CNTN5: variants seen among roughly 807,000 people sequenced by gnomAD.
CNTN5 encodes contactin-5.
CNTN5 carries 77 observed loss-of-function variants against 129.1 expected under a neutral mutation model. The ratio of observed to expected loss-of-function variants is 0.60; its 90% CI spans 0.50 to 0.72. The LOEUF is 0.72. CNTN5 is among the 30% of genes least tolerant of loss of function. The probability of loss-of-function intolerance (pLI) is 0.00; values close to 1 mark genes in which losing one functional copy is unlikely to be tolerated. For missense variants in CNTN5, 1,478 were observed against 1,328.8 expected (o/e 1.11, Z -1.75); for synonymous variants, 509 against 465.6 (o/e 1.09, Z -1.20).
At chr11:99,671,456 C>T (rs1833819831) in intron 3 of CNTN5, among the ~76,000 whole-genome samples, 1 of 152,044 alleles carries the variant, frequency 6.6e-6, no homozygotes, top group Non-Finnish European at 1.5e-5. Flanking sequence ...AATTTGTGTG[C>T]ATGTGTGCGT....
chr11:100,238,505 G>T (rs1158605662), intron 16 of CNTN5, among the ~76,000 whole-genome samples: 1 of 147,020 alleles, frequency 6.8e-6, no homozygotes, highest in Non-Finnish European at 1.5e-5. Flanking sequence ...GCAGGAGGAG[G>T]AGAAGGGGGA....
At chr11:100,017,671 G>C (rs1565791771) in intron 9 of CNTN5, among the ~76,000 whole-genome samples, 1 of 151,982 alleles carries the variant, frequency 6.6e-6, no homozygotes, top group South Asian at 2.1e-4. Context: ...GTACTGGAAA[G>C]ATTTTAGAAT....
chr11:99,250,159 A>T (rs957426080), intron 1 of CNTN5, among the ~76,000 whole-genome samples: 2 of 151,964 alleles, frequency 1.3e-5, no homozygotes, highest in Non-Finnish European at 2.9e-5. Context: ...TTGTCTTGGT[A>T]TAATATAGTA....
At chr11:99,808,663 G>A (rs1290234454) in intron 3 of CNTN5, among the ~76,000 whole-genome samples, 1 of 152,118 alleles carries the variant, frequency 6.6e-6, no homozygotes, top group East Asian at 1.9e-4. Context: ...TTTTTCACGT[G>A]CTGGGTAGCA....
intron 3 of CNTN5, among the ~76,000 whole-genome samples, chr11:99,815,363 C>G (rs1946553622): frequency 6.6e-6 from 1 of 152,048 alleles, no homozygotes. Context: ...AGAACTAAGA[C>G]TGAGGAGTGG....
chr11:99,372,334 CA>C (rs920479458), intron 2 of CNTN5, among the ~76,000 whole-genome samples: 13 of 151,412 alleles, frequency 8.6e-5, no homozygotes, highest in South Asian at 4.2e-4. Flanking sequence ...CGTAAAGAAA[CA>C]AAAAAAAGTG....
chr11:100,245,136 CT>C (rs1399441704), intron 16 of CNTN5, among the ~76,000 whole-genome samples: 14 of 152,164 alleles, frequency 9.2e-5, no homozygotes, highest in African/African-American at 3.1e-4. Flanking sequence ...AGTGGCTCAA[CT>C]TTTTATGCAA....
intron 2 of CNTN5, among the ~76,000 whole-genome samples, chr11:99,457,185 C>G (rs964051437): frequency 3.3e-5 from 5 of 151,790 alleles, no homozygotes; most frequent in African/African-American, 1.2e-4. Context: ...AAAATATTAT[C>G]TGTCTTTAGT....
chr11:99,304,814 C>G (rs796234023), intron 1 of CNTN5, among the ~76,000 whole-genome samples: 32 of 152,290 alleles, frequency 2.1e-4, no homozygotes, highest in African/African-American at 7.2e-4. Context: ...TTGTGAGGTT[C>G]ACAAGGCCTT....
intron 2 of CNTN5, among the ~76,000 whole-genome samples, chr11:99,504,901 C>T (rs910062307): frequency 6.6e-6 from 1 of 152,066 alleles, no homozygotes; most frequent in Non-Finnish European, 1.5e-5. Context: ...TATTGCTCTC[C>T]TAATTCTAAG....
rs559844779 is a variant in CNTN5 at position 99,026,795 on chromosome 11, G to A, written c.-210+5525G>A. On this transcript the variant is annotated intron_variant, in intron 1 of 24. Coordinates refer to ENST00000524871, the MANE Select transcript of CNTN5 (RefSeq NM_014361.4). ...ATTAGAACCCACATCTCTTAAATTT[G>A]AAGATCAGAGCTTTTTATGGCTTAT... Among the ~76,000 whole-genome samples the A allele has an allele frequency of 6.6e-5, 10 of 151,692 alleles. No individual in the cohort carries two copies. The South Asian group carries it at 2.1e-3, about 31-fold the overall frequency.
intron 1 of CNTN5, among the ~76,000 whole-genome samples, chr11:99,266,636 G>A (rs1304857113): frequency 6.6e-6 from 1 of 151,916 alleles, no homozygotes; most frequent in Non-Finnish European, 1.5e-5. Context: ...GCATATGGGA[G>A]GAAGCACATT....
chr11:99,726,842 C>A (rs1369981688), intron 3 of CNTN5, among the ~76,000 whole-genome samples: 1 of 152,050 alleles, frequency 6.6e-6, no homozygotes, highest in Non-Finnish European at 1.5e-5. Flanking sequence ...TAGTGCTTTT[C>A]CACCTCATCA....
intron 7 of CNTN5, among the ~76,000 whole-genome samples, chr11:99,948,089 C>A (rs770469117): frequency 1.3e-4 from 20 of 152,124 alleles, no homozygotes; most frequent in Non-Finnish European, 2.6e-4. Context: ...GGAATACTGT[C>A]CAAGATTAAA....
intron 2 of CNTN5, among the ~76,000 whole-genome samples, chr11:99,499,001 A>G (rs1465587682): frequency 1.3e-5 from 2 of 152,176 alleles, no homozygotes; most frequent in Non-Finnish European, 2.9e-5. Flanking sequence ...GATGTTTGCA[A>G]TCACATGAGC....
intron 9 of CNTN5, among the ~76,000 whole-genome samples, chr11:100,020,015 CT>C (rs942204964): frequency 6.6e-6 from 1 of 151,888 alleles, no homozygotes; most frequent in African/African-American, 2.4e-5. Context: ...TACTAAGTTT[CT>C]TATATGTTTT....
At chr11:99,151,397 T>C (rs1351347967) in intron 1 of CNTN5, among the ~76,000 whole-genome samples, 1 of 152,200 alleles carries the variant, frequency 6.6e-6, no homozygotes, top group Non-Finnish European at 1.5e-5. Flanking sequence ...AGAAATATGA[T>C]ACTTTAATTA....
chr11:99,351,894 C>T (rs1938323322), intron 2 of CNTN5, among the ~76,000 whole-genome samples: 1 of 152,188 alleles, frequency 6.6e-6, no homozygotes, highest in African/African-American at 2.4e-5. Context: ...GTTAAATACC[C>T]ACTGTGGCTG....
chr11:100,287,641 C>T (rs551583051), intron 18 of CNTN5, among the ~76,000 whole-genome samples: 42 of 151,756 alleles, frequency 2.8e-4, no homozygotes, highest in African/African-American at 7.7e-4. Context: ...CGGTACCAGC[C>T]GCTGCAAAAT....
Sources: allele counts gnomAD v4.1 joint callset (sites outside exome capture counted in the v4.1 genomes callset), GRCh38; gene constraint gnomAD v4.1.1; transcripts MANE v1.5; gene names NCBI Gene and HGNC (gene_info 2026-07-23, HGNC 2026-07-21).